The following ELF2 variants were observed in gnomAD, a reference collection of about 807,000 sequenced individuals.
The protein encoded by ELF2 is ETS-related transcription factor Elf-2.
In ELF2, 11 loss-of-function variants were observed where a neutral mutation model predicts 54.8. That is an observed-to-expected ratio of 0.20 (90% confidence interval 0.13 to 0.33). ELF2 has a LOEUF of 0.33. Among genes scored for constraint, ELF2 ranks in the 10% least tolerant of loss-of-function variants. The pLI is 1.00. For missense variants in ELF2, 513 were observed against 703.0 expected, an observed-to-expected ratio of 0.73 and a Z score of 3.06; for synonymous variants, 203 against 245.1, an observed-to-expected ratio of 0.83 and a Z score of 1.61.
intron 4 of ELF2, among the ~76,000 whole-genome samples, chr4:139,092,418 T>TAAC (rs1316872798): frequency 2.0e-5 from 1 of 51,258 alleles, no homozygotes; most frequent in Non-Finnish European, 4.3e-5. Flanking sequence ...ATAACATACA[T>TAAC]AACATAACAT....
At chr4:139,150,353 G>A (rs1275516454) in intron 1 of ELF2, among the ~76,000 whole-genome samples, 1 of 149,048 alleles carries the variant, frequency 6.7e-6, no homozygotes, top group Non-Finnish European at 1.5e-5. Flanking sequence ...GGCAACAACA[G>A]CAAAACTGCA....
At chr4:139,173,789 T>A (rs1332549851) in intron 1 of ELF2, among the ~76,000 whole-genome samples, 1 of 144,802 alleles carries the variant, frequency 6.9e-6, no homozygotes, top group African/African-American at 2.6e-5. Context: ...CTATAAAAAA[T>A]TTTTTTAATT....
At chr4:139,153,307 C>T (rs1273152876) in intron 1 of ELF2, among the ~76,000 whole-genome samples, 3 of 152,124 alleles carry the variant, frequency 2.0e-5, no homozygotes, top group African/African-American at 4.8e-5. Flanking sequence ...CGGTGGCACA[C>T]GTCTGTAGTC....
intron 1 of ELF2, among the ~76,000 whole-genome samples, chr4:139,175,213 T>C (rs973812535): frequency 2.6e-5 from 4 of 152,226 alleles, no homozygotes; most frequent in Non-Finnish European, 4.4e-5. Context: ...AGGCCACAGG[T>C]ACCAATCTGT....
intron 7 of ELF2, among the ~76,000 whole-genome samples, chr4:139,062,705 C>A (rs1053095561): frequency 1.3e-5 from 2 of 152,084 alleles, no homozygotes; most frequent in African/African-American, 2.4e-5. Context: ...TATGATAAGC[C>A]TAAATTCCAT....
chr4:139,084,092 T>TG (rs770965225), intron 4 of ELF2: 29 of 1,612,252 alleles, frequency 1.8e-5, no homozygotes, highest in Non-Finnish European at 2.2e-5. Flanking sequence ...CCCCCTCTCC[T>TG]GCTGCACCGA....
intron 1 of ELF2, among the ~76,000 whole-genome samples, chr4:139,171,647 G>A (rs542745519): frequency 2.0e-5 from 3 of 152,196 alleles, no homozygotes; most frequent in Admixed American, 1.3e-4. Context: ...AATCAGGCCG[G>A]GCATGGTGGC....
intron 3 of ELF2, among the ~76,000 whole-genome samples, chr4:139,129,096 G>A (rs1184346635): frequency 7.2e-5 from 11 of 151,988 alleles, no homozygotes; most frequent in Non-Finnish European, 1.6e-4. Context: ...GTGCCACCAT[G>A]TCCAGCTAAT....
upstream of ELF2, among the ~76,000 whole-genome samples, chr4:139,177,711 G>A (rs923590167): frequency 5.3e-5 from 8 of 151,498 alleles, no homozygotes; most frequent in African/African-American, 1.2e-4. Context: ...TTCCCCCGCC[G>A]GCCGGGACCG....
rs572051902 is a variant in ELF2 at position 139,153,857 on chromosome 4, T to C, written c.-251-14360A>G. Among the ~76,000 whole-genome samples, 5 of 152,372 alleles carry C rather than the reference T, an allele frequency of 3.3e-5. No homozygotes were observed. The East Asian group carries it at 9.6e-4, about 29-fold the overall frequency. On this transcript the variant is annotated intron_variant, in intron 1 of 9. Coordinates refer to ENST00000686138, the MANE Select transcript of ELF2 (RefSeq NM_001331036.3). ...CATAGAGTGCCAGAAGAATGCATAG[T>C]TGACTTTCAGTCTACCCCCTCCTTT...
intron 1 of ELF2, among the ~76,000 whole-genome samples, chr4:139,168,051 A>G (rs187328342): frequency 1.3e-5 from 2 of 152,356 alleles, no homozygotes; most frequent in East Asian, 3.9e-4. Flanking sequence ...CCCTAAAAAA[A>G]TTATTCACAC....
At position 139,151,031 on chromosome 4, in the gene ELF2, A is replaced by AAAAAAAAGAAAAGAAAAGAAAAG. The variant is rs1739845818; in HGVS notation, c.-251-11535_-251-11534insCTTTTCTTTTCTTTTCTTTTTTT. On this transcript the variant is annotated intron_variant, in intron 1 of 9. Transcript: ENST00000686138. ...GGAACGAGGCTCCATCTCAAAAAAA[A>AAAAAAAAGAAAAGAAAAGAAAAG]AAAAGAAAGAAAGAAAGAAAGAAAG... Among the ~76,000 whole-genome samples, 8 of 118,340 alleles carry AAAAAAAAGAAAAGAAAAGAAAAG rather than the reference A, an allele frequency of 6.8e-5. 1 individual carries two copies. The highest frequency in any genetic ancestry group is 2.7e-4 in the African/African-American group (8 of 29,554). 77.6% of individuals were successfully genotyped at this position (118,340 alleles called of 152,430 possible).
chr4:139,129,006 T>C (rs1041193611), intron 3 of ELF2, among the ~76,000 whole-genome samples: 2 of 150,704 alleles, frequency 1.3e-5, no homozygotes, highest in African/African-American at 4.9e-5. Context: ...TGGCGCAATC[T>C]TGACACACCG....
intron 5 of ELF2, among the ~76,000 whole-genome samples, chr4:139,072,500 A>T (rs1400239959): frequency 4.6e-5 from 7 of 152,244 alleles, no homozygotes. Context: ...GTAAAACATA[A>T]GCACCTATAG....
intron 1 of ELF2, among the ~76,000 whole-genome samples, chr4:139,154,353 C>A (rs1027431465): frequency 2.0e-5 from 3 of 152,042 alleles, no homozygotes; most frequent in Non-Finnish European, 4.4e-5. Flanking sequence ...TAGTTCTTTT[C>A]ATTCTTTACA....
intron 7 of ELF2, 136 bp from the exon 8 acceptor site, chr4:139,062,193 CG>C: frequency 1.2e-6 from 1 of 850,094 alleles, no homozygotes; most frequent in East Asian, 2.9e-5. Flanking sequence ...TTTTTGGAGA[CG>C]GAGTCTTGCT....
chr4:139,108,774 T>A (rs1480852515), intron 4 of ELF2, among the ~76,000 whole-genome samples: 1 of 151,348 alleles, frequency 6.6e-6, no homozygotes, highest in East Asian at 1.9e-4. Context: ...TGTCCGTGGG[T>A]AGAAAAAAAA....
At chr4:139,062,933 T>C (rs1048613712) in intron 7 of ELF2, among the ~76,000 whole-genome samples, 1 of 152,210 alleles carries the variant, frequency 6.6e-6, no homozygotes, top group Non-Finnish European at 1.5e-5. Flanking sequence ...TCCTCTGTAC[T>C]ACCAGTCAAT....
At chr4:139,102,437 G>C (rs1733985644) in intron 4 of ELF2, 1 of 152,132 alleles carries the variant, frequency 6.6e-6, no homozygotes, top group Non-Finnish European at 1.5e-5. Context: ...CTACTCGGGA[G>C]GCTGAGGCAG....
Sources: gnomAD v4.1 joint callset for allele counts (sites outside exome capture counted in the v4.1 genomes callset) on GRCh38, gnomAD v4.1.1 for gene constraint, MANE v1.5 for transcripts, NCBI Gene and HGNC (gene_info 2026-07-23, HGNC 2026-07-21) for gene names.